The following PES1 variants were observed in gnomAD, a reference collection of about 807,000 sequenced individuals.
The protein encoded by PES1 is pescadillo ribosomal biogenesis factor 1, also known as pescadillo homolog.
In PES1, 31 loss-of-function variants were observed where a neutral mutation model predicts 77.1. The ratio of observed to expected loss-of-function variants is 0.40; its 90% CI spans 0.30 to 0.54. The LOEUF (loss-of-function observed/expected upper bound fraction) is 0.54, where lower values mean the gene tolerates loss of function less well. PES1 is among the 20% of genes least tolerant of loss of function. The pLI is 0.45. For missense variants in PES1, 658 were observed against 771.7 expected, an observed-to-expected ratio of 0.85 and a Z score of 1.75; for synonymous variants, 282 against 303.0, an observed-to-expected ratio of 0.93 and a Z score of 0.72.
chr22:30,591,004 G>A (rs2087167303), intron 1 of PES1, among the ~76,000 whole-genome samples: 1 of 152,116 alleles, frequency 6.6e-6, no homozygotes, highest in Non-Finnish European at 1.5e-5. Context: ...AAACACTTAA[G>A]CCAACTATAT....
chr22:30,604,083 G>C (rs2087399904), intron 2 of PES1: 1 of 152,216 alleles, frequency 6.6e-6, no homozygotes, highest in Admixed American at 6.5e-5. Flanking sequence ...AGTGGACCTA[G>C]AGTCTTGTTT....
intron 10 of PES1, 29 bp downstream of exon 10, chr22:30,580,542 G>A (rs2086967180): frequency 2.5e-6 from 4 of 1,612,868 alleles, no homozygotes; most frequent in Non-Finnish European, 2.5e-6. Context: ...CCGAACCAAT[G>A]CTGTCAGCGG....
At chr22:30,592,034 C>G, upstream of PES1, 1 of 1,366,852 alleles carries the variant, frequency 7.3e-7, no homozygotes, top group Non-Finnish European at 9.4e-7. Flanking sequence ...TGAAAAAAAT[C>G]ACTGAGAACA....
At chr22:30,592,534 C>T (rs1476630299), upstream of PES1, 3 of 523,928 alleles carry the variant, frequency 5.7e-6, no homozygotes, top group African/African-American at 2.1e-5. Context: ...CGGTGGCGCA[C>T]GCCTGTAATC....
At chr22:30,585,933 T>C (rs71331249) in intron 4 of PES1, among the ~76,000 whole-genome samples, 1,735 of 152,280 alleles carry the variant, frequency 0.011, 6 homozygotes, top group Admixed American at 0.018. Context: ...GCTGTCTGGT[T>C]TCTTGGTGCA....
At chr22:30,579,518 A>G (rs2086949686) in intron 12 of PES1, 1 of 757,456 alleles carries the variant, frequency 1.3e-6, no homozygotes, top group African/African-American at 1.8e-5. Context: ...TGTCGCCTCC[A>G]ATGTAAACTC....
At chr22:30,584,309 T>A in intron 6 of PES1, 56 bp downstream of exon 6, 1 of 1,324,018 alleles carries the variant, frequency 7.6e-7, no homozygotes, top group Non-Finnish European at 1.1e-6. Context: ...TTCCTCCACA[T>A]CCATATCTGT....
At chr22:30,599,735 A>C (rs371063670) in intron 2 of PES1, among the ~76,000 whole-genome samples, 36 of 152,124 alleles carry the variant, frequency 2.4e-4, no homozygotes, top group African/African-American at 8.4e-4. Flanking sequence ...CCCCGTCTCT[A>C]CTAAAAATAC....
chr22:30,597,972 T>C (rs113387616), intron 2 of PES1, among the ~76,000 whole-genome samples: 24,213 of 146,050 alleles, frequency 0.17, 2,069 homozygotes, highest in African/African-American at 0.19. Flanking sequence ...CAAGCTCCGC[T>C]TCCCGGGTTC....
chr22:30,592,074 G>T (rs2087190149), upstream of PES1: 8 of 1,343,586 alleles, frequency 6.0e-6, no homozygotes, highest in Middle Eastern at 3.8e-4. Flanking sequence ...GCTCACAATG[G>T]TTACAAACAC....
intron 6 of PES1, among the ~76,000 whole-genome samples, chr22:30,583,470 T>C (rs1004493979): frequency 6.6e-6 from 1 of 152,202 alleles, no homozygotes; most frequent in Non-Finnish European, 1.5e-5. Context: ...AAGGCACCAG[T>C]TCCCACTCAA....
chr22:30,593,771 T>C (rs374589315), upstream of PES1, among the ~76,000 whole-genome samples: 35 of 146,884 alleles, frequency 2.4e-4, no homozygotes, highest in African/African-American at 8.6e-4. Flanking sequence ...AAAATAGCCG[T>C]CATATAGGTA....
rs2087455150 is a variant in PES1 at position 30,606,774 on chromosome 22, G to A, written c.-718+35C>T. 3 of 892,016 alleles carry A rather than the reference G, an allele frequency of 3.4e-6. No homozygotes were observed. The Admixed American group carries it at 1.9e-4, about 56-fold the overall frequency. 55.3% of individuals were successfully genotyped at this position (892,016 alleles called of 1,614,324 possible). On this transcript the variant is annotated intron_variant, in intron 1 of 16. Transcript: ENST00000402281. ...TCCCGCCACAACTGAGGGAGGCGGT[G>A]CTGAAAAACAGCTGACTCCAGCAAT... is the stretch of plus-strand genomic sequence containing the variant.
chr22:30,598,856 A>G lies in PES1; in HGVS notation c.-660-6458T>C, dbSNP rs1040101161. ...TCGTAAATTAAGAAAGCCCAAATAT[A>G]TTTTTCAAGTTTATGTGACTTAAGT... On this transcript the variant is annotated intron_variant, in intron 2 of 16. Coordinates refer to the PES1 transcript ENST00000402281. Among the ~76,000 whole-genome samples the G allele has an allele frequency of 2.9e-4, 22 of 74,604 alleles. 4 individuals are homozygous for G. Among genetic ancestry groups the G allele is most frequent in the Admixed American group, 2.7e-3 (20 of 7,362 alleles). 48.9% of individuals were successfully genotyped at this position (74,604 alleles called of 152,430 possible).
chr22:30,580,776 G>A (rs978983552), intron 9 of PES1, 75 bp from the exon 10 acceptor site: 19 of 1,593,326 alleles, frequency 1.2e-5, no homozygotes, highest in South Asian at 6.6e-5. Context: ...TGGAGATAAC[G>A]TCCACTCCAG....
At chr22:30,604,773 A>C (rs909752684) in intron 2 of PES1, among the ~76,000 whole-genome samples, 1 of 152,064 alleles carries the variant, frequency 6.6e-6, no homozygotes, top group Non-Finnish European at 1.5e-5. Context: ...GCTAGTTTTC[A>C]CCACAAATAG....
intron 4 of PES1, chr22:30,585,124 G>A: frequency 2.5e-6 from 1 of 394,340 alleles, no homozygotes; most frequent in South Asian, 1.9e-5. Context: ...AAGCTGCCCT[G>A]GTGGAGCAGG....
chr22:30,584,827 C>T, intron 4 of PES1, 110 bp from the exon 5 acceptor site: 3 of 1,090,304 alleles, frequency 2.8e-6, no homozygotes, highest in Non-Finnish European at 2.7e-6. Flanking sequence ...CAGGCCTCAC[C>T]ACTGCCACCT....
intron 12 of PES1, 144 bp from the exon 13 acceptor site, chr22:30,579,447 T>C: frequency 3.0e-6 from 4 of 1,354,526 alleles, no homozygotes; most frequent in Non-Finnish European, 4.0e-6. Context: ...GGCCCTCTCT[T>C]GCACCTCCCC....
Sources: allele counts gnomAD v4.1 joint callset (sites outside exome capture counted in the v4.1 genomes callset), GRCh38; gene constraint gnomAD v4.1.1; transcripts MANE v1.5; gene names NCBI Gene and HGNC (gene_info 2026-07-23, HGNC 2026-07-21).